The following TEX36 variants were observed in gnomAD, a reference collection of about 807,000 sequenced individuals.
TEX36 encodes the protein testis-expressed protein 36.
A neutral mutation model predicts 13.6 loss-of-function variants in TEX36; 12 were observed. The ratio of observed to expected loss-of-function variants is 0.88; its 90% confidence interval spans 0.56 to 1.43. The LOEUF is 1.43. Ranked by LOEUF, TEX36 falls within the 40% of genes most tolerant of loss-of-function variation. TEX36 has a pLI of 0.00. For synonymous variants in TEX36, 93 were observed against 83.0 expected (o/e 1.12, Z -0.65); for missense variants, 224 against 228.3 (o/e 0.98, Z 0.12).
chr10:125,603,078 C>A (rs1056923995), intron 3 of TEX36, among the ~76,000 whole-genome samples: 7 of 152,202 alleles, frequency 4.6e-5, no homozygotes, highest in African/African-American at 1.7e-4. Flanking sequence ...CATGACAGAA[C>A]TGGGCAGAAA....
At chr10:125,581,823 A>C (rs1440618593) in intron 3 of TEX36, among the ~76,000 whole-genome samples, 1 of 152,076 alleles carries the variant, frequency 6.6e-6, no homozygotes, top group Non-Finnish European at 1.5e-5. Flanking sequence ...ACACCTCCCA[A>C]CCCATGGAAA....
intron 3 of TEX36, among the ~76,000 whole-genome samples, chr10:125,596,263 G>T (rs1300833861): frequency 1.3e-5 from 2 of 152,094 alleles, no homozygotes; most frequent in Admixed American, 6.6e-5. Context: ...TATCAAGATG[G>T]GCCCATAAAA....
intron 3 of TEX36, among the ~76,000 whole-genome samples, chr10:125,580,135 A>G (rs1589737907): frequency 6.6e-6 from 1 of 152,202 alleles, no homozygotes; most frequent in Non-Finnish European, 1.5e-5. Context: ...TTGGAGTGTC[A>G]GCTTCTCTCC....
chr10:125,642,244 A>T (rs1018480451), intron 3 of TEX36, among the ~76,000 whole-genome samples: 1 of 152,244 alleles, frequency 6.6e-6, no homozygotes, highest in Non-Finnish European at 1.5e-5. Flanking sequence ...AGGCAAAGAC[A>T]GGGCCTTGCA....
intron 3 of TEX36, among the ~76,000 whole-genome samples, chr10:125,628,181 C>T (rs1191060403): frequency 1.3e-5 from 2 of 152,324 alleles, no homozygotes; most frequent in East Asian, 3.9e-4. Flanking sequence ...AAACATCTGG[C>T]TTTGTGTGCT....
chr10:125,663,618 G>C (rs1305149747), intron 1 of TEX36, among the ~76,000 whole-genome samples: 1 of 152,068 alleles, frequency 6.6e-6, no homozygotes, highest in East Asian at 1.9e-4. Flanking sequence ...ATATCTCATC[G>C]TGGTTTTTAT....
At chr10:125,671,394 G>A (rs1847226932) in intron 1 of TEX36, among the ~76,000 whole-genome samples, 1 of 152,104 alleles carries the variant, frequency 6.6e-6, no homozygotes, top group Non-Finnish European at 1.5e-5. Context: ...ATAATCATGT[G>A]GTTTTTGTCT....
chr10:125,678,702 G>T (rs954539426), intron 1 of TEX36, among the ~76,000 whole-genome samples: 1 of 152,120 alleles, frequency 6.6e-6, no homozygotes, highest in Non-Finnish European at 1.5e-5. Flanking sequence ...GACTGCAGGT[G>T]GTGCTTGCAC....
At chr10:125,672,607 T>C (rs1847251276) in intron 1 of TEX36, among the ~76,000 whole-genome samples, 1 of 152,226 alleles carries the variant, frequency 6.6e-6, no homozygotes, top group Admixed American at 6.5e-5. Context: ...GTATATTCTG[T>C]TCTTTTTGGA....
chr10:125,655,671 T>C (rs1407319883), downstream of TEX36: 44 of 1,226,406 alleles, frequency 3.6e-5, no homozygotes, highest in Non-Finnish European at 4.5e-5. Flanking sequence ...ATTAAGGATG[T>C]ACTTTTTAAA....
At chr10:125,616,973 AT>A (rs1187845975), downstream of TEX36, among the ~76,000 whole-genome samples, 2 of 152,134 alleles carry the variant, frequency 1.3e-5, no homozygotes, top group African/African-American at 4.8e-5. Context: ...GTGCTCTTGT[AT>A]TGGGTGCATA....
downstream of TEX36, among the ~76,000 whole-genome samples, chr10:125,619,977 A>C (rs188556613): frequency 1.3e-5 from 2 of 152,134 alleles, no homozygotes; most frequent in Non-Finnish European, 2.9e-5. Flanking sequence ...ATTCTTGTAA[A>C]ATATGATTTA....
rs1014558805 is a variant in TEX36, at chr10:125,605,696, G to C, written c.265-28822C>G. Reference sequence around the variant, plus strand: ...CGCTCACTGCAACCTCCACCTTCTGGGTTCAAGCGATTCTCCTGCCTCAGC... The same window carrying C: ...CGCTCACTGCAACCTCCACCTTCTGCGTTCAAGCGATTCTCCTGCCTCAGC... On this transcript the variant is annotated intron_variant, in intron 3 of 3. Coordinates refer to the TEX36 transcript ENST00000532135. Among the ~76,000 whole-genome samples, 24 of 152,272 alleles carry C rather than the reference G, an allele frequency of 1.6e-4. 1 individual carries two copies. The East Asian group carries it at 3.7e-3, about 23-fold the overall frequency.
At chr10:125,658,261 G>C (rs1251518847) in intron 3 of TEX36, among the ~76,000 whole-genome samples, 1 of 151,986 alleles carries the variant, frequency 6.6e-6, no homozygotes, top group Non-Finnish European at 1.5e-5. Context: ...GAGAGTAATA[G>C]TGACAATGCC....
intron 3 of TEX36, among the ~76,000 whole-genome samples, chr10:125,645,770 T>C (rs1158672979): frequency 6.6e-6 from 1 of 152,086 alleles, no homozygotes; most frequent in Non-Finnish European, 1.5e-5. Context: ...AGAATTTTTT[T>C]GCAACTTTCT....
At chr10:125,613,199 G>A (rs1846311960) in intron 3 of TEX36, among the ~76,000 whole-genome samples, 1 of 142,766 alleles carries the variant, frequency 7.0e-6, no homozygotes, top group Non-Finnish European at 1.5e-5. Flanking sequence ...CTTTCTCTAG[G>A]TCTCATTTCC....
At chr10:125,618,970 AATAC>A (rs1846394447), downstream of TEX36, among the ~76,000 whole-genome samples, 1 of 141,772 alleles carries the variant, frequency 7.1e-6, no homozygotes, top group Admixed American at 7.1e-5. Flanking sequence ...AAAAAAAAAA[AATAC>A]AAAAAATTAG....
At chr10:125,633,849 G>A (rs1846590456) in intron 3 of TEX36, among the ~76,000 whole-genome samples, 1 of 152,130 alleles carries the variant, frequency 6.6e-6, no homozygotes, top group Admixed American at 6.5e-5. Flanking sequence ...TACGTTGTTT[G>A]ACTGCATTGT....
chr10:125,669,810 C>T (rs1348069841), intron 1 of TEX36, among the ~76,000 whole-genome samples: 5 of 152,170 alleles, frequency 3.3e-5, no homozygotes, highest in Non-Finnish European at 5.9e-5. Context: ...CATGTGTTCT[C>T]ATTGTTCAGC....
Sources: gnomAD v4.1 joint callset for allele counts (sites outside exome capture counted in the v4.1 genomes callset) on GRCh38, gnomAD v4.1.1 for gene constraint, MANE v1.5 for transcripts, NCBI Gene and HGNC (gene_info 2026-07-23, HGNC 2026-07-21) for gene names.